Variants in CNTN4 observed in about 807,000 individuals in gnomAD.
CNTN4 encodes contactin 4.
A neutral mutation model predicts 122.5 loss-of-function variants in CNTN4; 77 were observed. That is an observed-to-expected ratio of 0.63 (90% CI 0.52 to 0.76). The LOEUF (loss-of-function observed/expected upper bound fraction) is 0.76. CNTN4 is among the 30% of genes least tolerant of loss of function. The pLI is 0.00. For synonymous variants in CNTN4, 512 were observed against 447.0 expected (o/e 1.15, Z -1.83); for missense variants, 1,256 against 1,259.1 (o/e 1.00, Z 0.04).
chr3:2,183,086 T>C (rs545038750), intron 2 of CNTN4, among the ~76,000 whole-genome samples: 20 of 152,294 alleles, frequency 1.3e-4, no homozygotes, highest in Non-Finnish European at 2.2e-4. Context: ...TTCAGTCTTT[T>C]AGGAAATCCT....
chr3:2,536,287 C>T (rs1354472926), intron 3 of CNTN4, among the ~76,000 whole-genome samples: 1 of 152,182 alleles, frequency 6.6e-6, no homozygotes, highest in Non-Finnish European at 1.5e-5. Context: ...CAAATGCATT[C>T]TTTCGTCCCA....
chr3:2,877,951 A>T (rs1481319602), intron 8 of CNTN4, among the ~76,000 whole-genome samples: 1 of 152,258 alleles, frequency 6.6e-6, no homozygotes, highest in African/African-American at 2.4e-5. Context: ...TTGTAACCAA[A>T]TTAAATGGAA....
chr3:2,914,502 T>C (rs1297620947), intron 12 of CNTN4, among the ~76,000 whole-genome samples: 1 of 152,158 alleles, frequency 6.6e-6, no homozygotes, highest in East Asian at 1.9e-4. Context: ...AAGACCACTA[T>C]AAATAATTAT....
intron 3 of CNTN4, among the ~76,000 whole-genome samples, chr3:2,472,527 C>A (rs11927342): frequency 6.6e-6 from 1 of 152,154 alleles, no homozygotes; most frequent in African/African-American, 2.4e-5. Context: ...GCATGAGTCA[C>A]TGCACCTGGC....
chr3:2,368,028 T>C (rs1327101019), intron 3 of CNTN4, among the ~76,000 whole-genome samples: 1 of 125,006 alleles, frequency 8.0e-6, no homozygotes, highest in Non-Finnish European at 1.6e-5. Context: ...CTAGAAAACT[T>C]CTTTTTTTTT....
chr3:2,334,031 A>G lies in CNTN4; in HGVS notation c.-144-5147A>G, dbSNP rs552231575. On this transcript the variant is annotated intron_variant, in intron 2 of 24. Coordinates refer to ENST00000418658, the MANE Select transcript of CNTN4 (RefSeq NM_175607.3). ...GTTAAATACAATGGCCTTTAAGAATACGGACAGTTGTTAAATGGTAACTCT... is the reference window on the plus strand; with the variant it reads ...GTTAAATACAATGGCCTTTAAGAATGCGGACAGTTGTTAAATGGTAACTCT... 9.2e-5 allele frequency among the ~76,000 whole-genome samples: 14 copies of G among 152,332 alleles called. 1 individual carries two copies. The highest frequency in any genetic ancestry group is 3.4e-4 in the African/African-American group (14 of 41,580).
chr3:2,435,577 G>C (rs1212631754), intron 3 of CNTN4, among the ~76,000 whole-genome samples: 1 of 152,060 alleles, frequency 6.6e-6, no homozygotes, highest in Non-Finnish European at 1.5e-5. Context: ...TTTCAGCAAG[G>C]CTTCTCAGTT....
chr3:2,381,357 C>G (rs1304743048), intron 3 of CNTN4, among the ~76,000 whole-genome samples: 1 of 152,106 alleles, frequency 6.6e-6, no homozygotes, highest in African/African-American at 2.4e-5. Flanking sequence ...CCTTATAATA[C>G]TTTGTACCTT....
At chr3:2,235,605 A>G (rs867164277) in intron 2 of CNTN4, among the ~76,000 whole-genome samples, 2 of 152,146 alleles carry the variant, frequency 1.3e-5, no homozygotes, top group African/African-American at 4.8e-5. Context: ...TTGCTATCCT[A>G]TATGATGAAC....
chr3:2,240,142 A>T (rs1016907121), intron 2 of CNTN4, among the ~76,000 whole-genome samples: 3 of 152,200 alleles, frequency 2.0e-5, no homozygotes, highest in African/African-American at 7.2e-5. Flanking sequence ...GATTAGAGAA[A>T]TCAATGCATT....
At chr3:2,392,873 A>G (rs1209427594) in intron 3 of CNTN4, among the ~76,000 whole-genome samples, 1 of 151,696 alleles carries the variant, frequency 6.6e-6, no homozygotes, top group Non-Finnish European at 1.5e-5. Context: ...GAACACCAAA[A>G]CTCATTCCTC....
chr3:2,499,027 T>C (rs778436745), intron 3 of CNTN4, among the ~76,000 whole-genome samples: 2 of 151,998 alleles, frequency 1.3e-5, no homozygotes, highest in Non-Finnish European at 2.9e-5. Flanking sequence ...TGACCTCAAG[T>C]GTTTGCCCGC....
intron 2 of CNTN4, among the ~76,000 whole-genome samples, chr3:2,217,279 A>G (rs190610639): frequency 6.6e-6 from 1 of 152,174 alleles, no homozygotes; most frequent in East Asian, 1.9e-4. Flanking sequence ...TTGTTACCAT[A>G]CTTGCAAGCA....
intron 2 of CNTN4, among the ~76,000 whole-genome samples, chr3:2,206,129 T>A (rs1032734371): frequency 1.3e-5 from 2 of 152,066 alleles, no homozygotes; most frequent in African/African-American, 4.8e-5. Context: ...CTCTTCTATT[T>A]CTTACCAAGT....
chr3:2,178,882 G>T, intron 2 of CNTN4, among the ~76,000 whole-genome samples: 1 of 152,006 alleles, frequency 6.6e-6, no homozygotes, highest in Admixed American at 6.6e-5. Context: ...AAAATAGGCT[G>T]TGTATATATT....
chr3:2,342,936 G>A (rs896278227), intron 3 of CNTN4, among the ~76,000 whole-genome samples: 2 of 152,164 alleles, frequency 1.3e-5, no homozygotes, highest in African/African-American at 2.4e-5. Flanking sequence ...AGATGCAAGC[G>A]GGCAGTGACT....
At chr3:2,706,304 C>T (rs1404896432) in intron 4 of CNTN4, among the ~76,000 whole-genome samples, 1 of 152,044 alleles carries the variant, frequency 6.6e-6, no homozygotes, top group African/African-American at 2.4e-5. Flanking sequence ...GGTTTCCATC[C>T]ACTCAGACTA....
At chr3:2,116,829 C>T (rs1271052715) in intron 2 of CNTN4, among the ~76,000 whole-genome samples, 2 of 152,154 alleles carry the variant, frequency 1.3e-5, no homozygotes, top group Non-Finnish European at 2.9e-5. Flanking sequence ...AGCCCTGGCT[C>T]CTCCTTAGAA....
chr3:2,864,255 T>C (rs895937792), intron 7 of CNTN4, among the ~76,000 whole-genome samples: 2 of 152,144 alleles, frequency 1.3e-5, no homozygotes, highest in Non-Finnish European at 2.9e-5. Flanking sequence ...TTCCCTAATA[T>C]AACGCAGATT....
Sources: allele counts gnomAD v4.1 joint callset (sites outside exome capture counted in the v4.1 genomes callset), GRCh38; gene constraint gnomAD v4.1.1; transcripts MANE v1.5; gene names NCBI Gene and HGNC (gene_info 2026-07-23, HGNC 2026-07-21).